The following GRIN2B variants were observed in gnomAD, a reference collection of about 807,000 sequenced individuals.
GRIN2B encodes glutamate receptor ionotropic, NMDA 2B.
In GRIN2B, 5 loss-of-function variants were observed where a neutral mutation model predicts 114.5. That is an observed-to-expected ratio of 0.04 (90% confidence interval 0.02 to 0.09). GRIN2B has a LOEUF of 0.09. Ranked by LOEUF, GRIN2B falls within the 10% of genes least tolerant of loss-of-function variation. GRIN2B has a pLI of 1.00. For synonymous variants in GRIN2B, 787 were observed against 745.1 expected, an observed-to-expected ratio of 1.06 and a Z score of -0.92; for missense variants, 1,108 against 1,943.5, an observed-to-expected ratio of 0.57 and a Z score of 8.08.
intron 3 of GRIN2B, among the ~76,000 whole-genome samples, chr12:13,773,478 T>C (rs1863944311): frequency 6.6e-6 from 1 of 152,204 alleles, no homozygotes; most frequent in African/African-American, 2.4e-5. Flanking sequence ...ACACAGAGAA[T>C]CACCTTGGAA....
intron 3 of GRIN2B, among the ~76,000 whole-genome samples, chr12:13,797,675 A>G (rs1864440767): frequency 6.6e-6 from 1 of 152,256 alleles, no homozygotes; most frequent in Non-Finnish European, 1.5e-5. Context: ...TTAAATAAAC[A>G]AAATTCAGCA....
At chr12:13,945,475 G>A (rs922306837) in intron 2 of GRIN2B, among the ~76,000 whole-genome samples, 4 of 152,276 alleles carry the variant, frequency 2.6e-5, no homozygotes, top group South Asian at 2.1e-4. Context: ...GCTACCTACC[G>A]CTGTTGATAC....
intron 10 of GRIN2B, among the ~76,000 whole-genome samples, chr12:13,573,412 T>C (rs569416546): frequency 2.1e-4 from 32 of 149,126 alleles, no homozygotes; most frequent in Non-Finnish European, 3.6e-4. Flanking sequence ...GATCATGCCA[T>C]TGCACTCCAG....
At chr12:13,900,339 G>T (rs1437252551) in intron 2 of GRIN2B, among the ~76,000 whole-genome samples, 1 of 151,984 alleles carries the variant, frequency 6.6e-6, no homozygotes, top group Non-Finnish European at 1.5e-5. Flanking sequence ...GCTGGTCATG[G>T]TGGTGGACGC....
chr12:13,869,237 T>C (rs1865870268), intron 2 of GRIN2B, among the ~76,000 whole-genome samples: 1 of 139,314 alleles, frequency 7.2e-6, no homozygotes, highest in African/African-American at 2.8e-5. Flanking sequence ...TTTTCTTTTT[T>C]TTTCTTTTTT....
chr12:13,653,208 T>G (rs1949833535), intron 5 of GRIN2B, among the ~76,000 whole-genome samples: 1 of 152,092 alleles, frequency 6.6e-6, no homozygotes, highest in South Asian at 2.1e-4. Flanking sequence ...CTTGGACAGT[T>G]AAGTAGATTG....
intron 2 of GRIN2B, among the ~76,000 whole-genome samples, chr12:13,904,883 G>A (rs905368220): frequency 6.6e-6 from 1 of 151,972 alleles, no homozygotes; most frequent in African/African-American, 2.4e-5. Flanking sequence ...CTACTTAGCT[G>A]ATTTTCTGCT....
intron 10 of GRIN2B, among the ~76,000 whole-genome samples, chr12:13,607,823 A>G (rs1181898939): frequency 6.6e-6 from 1 of 152,094 alleles, no homozygotes; most frequent in Admixed American, 6.5e-5. Context: ...TATTTTGGCC[A>G]TAAGCTTTAT....
At chr12:13,964,919 TA>T (rs936811639) in intron 2 of GRIN2B, among the ~76,000 whole-genome samples, 1 of 152,148 alleles carries the variant, frequency 6.6e-6, no homozygotes, top group Non-Finnish European at 1.5e-5. Flanking sequence ...GCACAATACT[TA>T]ACTGTTCCCA....
At chr12:13,827,998 A>C (rs1476529348) in intron 3 of GRIN2B, among the ~76,000 whole-genome samples, 3 of 152,110 alleles carry the variant, frequency 2.0e-5, no homozygotes, top group Non-Finnish European at 4.4e-5. Context: ...GTCTTTTAAT[A>C]TTCTTTACTA....
At chr12:13,616,902 C>T (rs948543837) in intron 5 of GRIN2B, among the ~76,000 whole-genome samples, 1 of 152,242 alleles carries the variant, frequency 6.6e-6, no homozygotes, top group African/African-American at 2.4e-5. Flanking sequence ...TGAGGACCTA[C>T]TATGTGCTGG....
At chr12:13,878,273 C>T (rs1397609925) in intron 2 of GRIN2B, among the ~76,000 whole-genome samples, 3 of 152,152 alleles carry the variant, frequency 2.0e-5, no homozygotes, top group African/African-American at 7.2e-5. Context: ...TTCTGCCACT[C>T]ACTGTGGGCT....
At chr12:13,680,253 C>T (rs545854851) in intron 4 of GRIN2B, among the ~76,000 whole-genome samples, 161 of 152,128 alleles carry the variant, frequency 1.1e-3, no homozygotes, top group African/African-American at 3.6e-3. Flanking sequence ...ATTAGAACCT[C>T]GAAACGTTCA....
chr12:13,793,194 G>T (rs375416245), intron 3 of GRIN2B, among the ~76,000 whole-genome samples: 121 of 152,162 alleles, frequency 8.0e-4, no homozygotes, highest in South Asian at 2.3e-3. Context: ...ATGGCATGAG[G>T]CCAGGAGCTC....
intron 4 of GRIN2B, among the ~76,000 whole-genome samples, chr12:13,725,580 C>A (rs1415785236): frequency 2.6e-5 from 4 of 151,988 alleles, no homozygotes; most frequent in African/African-American, 9.7e-5. Flanking sequence ...TGAGGGAAAC[C>A]AAGCAGATCG....
chr12:13,946,640 G>C (rs1867367734), intron 2 of GRIN2B, among the ~76,000 whole-genome samples: 1 of 151,908 alleles, frequency 6.6e-6, no homozygotes, highest in Non-Finnish European at 1.5e-5. Context: ...GATTGAGATA[G>C]TGTTACAATA....
rs115355801 is a variant in GRIN2B at position 13,716,456 on chromosome 12, C to T, written c.1010+36861G>A. ...GGTGTGGAGCTATCTCACAGTGGCACCTTATACAGGGTATTTCTGACTTTG... is the reference window on the plus strand; with the variant it reads ...GGTGTGGAGCTATCTCACAGTGGCATCTTATACAGGGTATTTCTGACTTTG... On this transcript the variant is annotated intron_variant, in intron 4 of 13. Transcript: ENST00000609686. Among the ~76,000 whole-genome samples the T allele has an allele frequency of 9.7e-3, 1,478 of 151,886 alleles. 26 individuals carry two copies. The highest frequency in any genetic ancestry group is 0.034 in the African/African-American group (1,391 of 41,478).
chr12:13,808,743 TAAAA>T (rs61197260), intron 3 of GRIN2B, among the ~76,000 whole-genome samples: 47 of 114,952 alleles, frequency 4.1e-4, no homozygotes, highest in East Asian at 2.7e-3. Flanking sequence ...TAAAGTATAA[TAAAA>T]AAAAAATATA....
At chr12:13,979,099 T>C (rs1863084018) in intron 2 of GRIN2B, among the ~76,000 whole-genome samples, 1 of 152,216 alleles carries the variant, frequency 6.6e-6, no homozygotes, top group African/African-American at 2.4e-5. Context: ...ATAGCCATTT[T>C]GCAAGAGTGT....
Sources: allele counts gnomAD v4.1 joint callset (sites outside exome capture counted in the v4.1 genomes callset), GRCh38; gene constraint gnomAD v4.1.1; transcripts MANE v1.5; gene names NCBI Gene and HGNC (gene_info 2026-07-23, HGNC 2026-07-21).